The following USP47 variants were observed in gnomAD, a reference collection of about 807,000 sequenced individuals.
USP47 encodes the protein ubiquitin carboxyl-terminal hydrolase 47.
USP47 carries 35 observed loss-of-function variants against 165.1 expected under a neutral mutation model. The ratio of observed to expected loss-of-function variants is 0.21; its 90% CI spans 0.16 to 0.28. The LOEUF (loss-of-function observed/expected upper bound fraction) is 0.28, where lower values mean the gene tolerates loss of function less well. Among genes scored for constraint, USP47 ranks in the 10% least tolerant of loss-of-function variants. The pLI is 1.00. For synonymous variants in USP47, 531 were observed against 544.5 expected, an observed-to-expected ratio of 0.98 and a Z score of 0.35; for missense variants, 1,277 against 1,607.4, an observed-to-expected ratio of 0.79 and a Z score of 3.52.
chr11:11,846,828 A>G (rs1848454337), intron 1 of USP47, among the ~76,000 whole-genome samples: 1 of 152,140 alleles, frequency 6.6e-6, no homozygotes, highest in African/African-American at 2.4e-5. Context: ...TAATTAAATT[A>G]CCTGAGGAAA....
chr11:11,857,935 A>C (rs1486503500), intron 1 of USP47, among the ~76,000 whole-genome samples: 1 of 151,750 alleles, frequency 6.6e-6, no homozygotes, highest in East Asian at 1.9e-4. Flanking sequence ...GTTGCTTTCC[A>C]CAACCAATCA....
intron 10 of USP47, among the ~76,000 whole-genome samples, chr11:11,922,322 T>G (rs937862964): frequency 3.3e-5 from 5 of 151,998 alleles, no homozygotes; most frequent in South Asian, 4.1e-4. Flanking sequence ...GTTGGACTTT[T>G]TGTTCAAGAA....
At chr11:11,870,590 C>T (rs1398286513) in intron 1 of USP47, among the ~76,000 whole-genome samples, 1 of 152,096 alleles carries the variant, frequency 6.6e-6, no homozygotes, top group Admixed American at 6.5e-5. Flanking sequence ...TTGAATTCCA[C>T]TTGATTATTA....
intron 1 of USP47, among the ~76,000 whole-genome samples, chr11:11,879,190 T>G (rs1850671459): frequency 6.6e-6 from 1 of 152,196 alleles, no homozygotes; most frequent in African/African-American, 2.4e-5. Context: ...TGTTGTAGGA[T>G]ATTCTTATTG....
At chr11:11,889,548 A>G (rs1693639755) in intron 3 of USP47, among the ~76,000 whole-genome samples, 1 of 152,178 alleles carries the variant, frequency 6.6e-6, no homozygotes, top group South Asian at 2.1e-4. Context: ...GCTGAAATAA[A>G]TCAGAGAAGA....
intron 10 of USP47, among the ~76,000 whole-genome samples, chr11:11,921,304 A>G (rs1358280253): frequency 6.6e-6 from 1 of 151,542 alleles, no homozygotes; most frequent in African/African-American, 2.4e-5. Flanking sequence ...GCCTTTTCCC[A>G]GGAGTTCAAA....
rs1375309946 is a variant in USP47, at chr11:11,936,329, C to G, written c.1896C>G (p.Pro632=). The change falls in exon 17 of 28, where the codon CCC becomes CCG. Residue 632 remains proline, a synonymous_variant. Transcript: ENST00000527733. ...YKMMDLEEVI[P]LDCCRLVKYD... is the part of the protein sequence containing the mutation. ...TGATGGATTTAGAAGAGGTAATACC[C>G]CTGGATTGCTGTCGCCTTGTTAAAT... 6.2e-7 allele frequency: 1 copy of G among 1,600,258 alleles called. No homozygotes were observed. The highest frequency in any genetic ancestry group is 1.7e-5 in the Admixed American group (1 of 59,508).
intron 1 of USP47, among the ~76,000 whole-genome samples, chr11:11,852,720 T>C (rs1848797237): frequency 6.6e-6 from 1 of 152,218 alleles, no homozygotes; most frequent in African/African-American, 2.4e-5. Flanking sequence ...TTGGGGTTAA[T>C]AGTCTTTCAA....
Position 11,956,477 on chromosome 11 carries a change from T to A in USP47, c.*302T>A, listed in dbSNP as rs1856567915. On this transcript the variant is annotated 3_prime_UTR_variant, in exon 28 of 28. Coordinates refer to ENST00000527733, the MANE Select transcript of USP47 (RefSeq NM_001282659.2). ...AAGGGGACAGGGGAATGAGTAAACT[T>A]CTTTTATTGCGGACAAATGTGCACA... The A allele has an allele frequency of 4.4e-6, 1 of 228,012 alleles. No individual in the cohort carries two copies. The highest frequency in any genetic ancestry group is 1.1e-4 in the South Asian group (1 of 8,746). The allele number at this position is 228,012 out of a possible 1,614,324, so 14.1% of individuals were successfully genotyped here.
chr11:11,905,098 C>T (rs542114492), intron 7 of USP47, among the ~76,000 whole-genome samples: 3 of 151,822 alleles, frequency 2.0e-5, no homozygotes, highest in Admixed American at 6.6e-5. Flanking sequence ...ATTAATCGTT[C>T]GGTTTTCTCA....
intron 1 of USP47, among the ~76,000 whole-genome samples, chr11:11,866,624 T>G (rs1246884912): frequency 6.6e-6 from 1 of 152,150 alleles, no homozygotes; most frequent in Non-Finnish European, 1.5e-5. Context: ...CCTTCTGGGG[T>G]CACTTTCTTT....
chr11:11,843,810 C>G (rs1398175323), intron 1 of USP47, among the ~76,000 whole-genome samples: 4 of 152,166 alleles, frequency 2.6e-5, no homozygotes, highest in African/African-American at 9.7e-5. Flanking sequence ...AAAGTGATAA[C>G]AGCAACGGAA....
intron 5 of USP47, among the ~76,000 whole-genome samples, chr11:11,898,758 A>T (rs1852005481): frequency 6.6e-6 from 1 of 152,220 alleles, no homozygotes; most frequent in Non-Finnish European, 1.5e-5. Flanking sequence ...AGTAAGCTTC[A>T]GGTAGGTCAT....
In USP47 at chr11:11,954,933, G is replaced by C; in HGVS notation, c.3751G>C (p.Glu1251Gln). The C allele has an allele frequency of 6.2e-7, 1 of 1,613,842 alleles. No homozygotes were observed. The highest frequency in any genetic ancestry group is 1.1e-5 in the South Asian group (1 of 91,060). ...EISGIPLDDI[E>Q]FAKGRGTFPC... ...CAGTGGGATTCCTTTGGATGATATT[G>C]AATTTGCTAAGGTAAAGCCCTGAGA... Residue 1251 changes from glutamate to glutamine, a missense_variant, in exon 26 of 28, where the codon GAA (glutamate) becomes CAA (glutamine). Coordinates refer to ENST00000527733, the MANE Select transcript of USP47 (RefSeq NM_001282659.2).
chr11:11,922,269 CTCTT>C (rs1853892108), intron 10 of USP47, among the ~76,000 whole-genome samples: 1 of 151,872 alleles, frequency 6.6e-6, no homozygotes, highest in African/African-American at 2.4e-5. Flanking sequence ...TGTCTTGTTT[CTCTT>C]TCTAATTATC....
rs764267828 is a variant in USP47 at position 11,948,066 on chromosome 11, G to A, written c.3213G>A (p.Glu1071=). 40 of 1,613,436 alleles carry A rather than the reference G, an allele frequency of 2.5e-5. No homozygotes were observed. Among genetic ancestry groups the A allele is most frequent in the Admixed American group, 3.3e-5 (2 of 59,918 alleles). The change falls in exon 21 of 28, where the codon GAG becomes GAA. Residue 1071 remains glutamate (E), a synonymous_variant. Coordinates refer to ENST00000527733, the MANE Select transcript of USP47 (RefSeq NM_001282659.2). ...KVFRVYASNQ[E]FESVRLNETL... ...TTCGAGTGTATGCCAGCAATCAAGA[G>A]TTTGAGAGCGTCCGGCTGAATGAGA...
chr11:11,902,441 GT>G (rs958892966), intron 5 of USP47, among the ~76,000 whole-genome samples: 10 of 152,104 alleles, frequency 6.6e-5, no homozygotes, highest in African/African-American at 2.4e-4. Flanking sequence ...TCAGATTCAG[GT>G]TCCACAGTTA....
chr11:11,918,474 C>A lies in USP47; in HGVS notation c.970-1682C>A, dbSNP rs924538019. Among the ~76,000 whole-genome samples the A allele has an allele frequency of 2.6e-5, 4 of 151,992 alleles. No homozygotes were observed. The East Asian group carries it at 7.7e-4, about 29-fold the overall frequency. Reference sequence around the variant, plus strand: ...TATTAAATTTTCCAGAGTTTGATTACTGTTTGTGTAAGAATATCTTTATTC... The same window carrying A: ...TATTAAATTTTCCAGAGTTTGATTAATGTTTGTGTAAGAATATCTTTATTC... On this transcript the variant is annotated intron_variant, in intron 8 of 27. Coordinates refer to ENST00000527733, the MANE Select transcript of USP47 (RefSeq NM_001282659.2).
At chr11:11,924,859 G>A (rs998016407) in intron 11 of USP47, among the ~76,000 whole-genome samples, 1 of 151,968 alleles carries the variant, frequency 6.6e-6, no homozygotes, top group Non-Finnish European at 1.5e-5. Context: ...TTTAATCTCG[G>A]TTAGCCTAAT....
Sources: gnomAD v4.1 joint callset for allele counts (sites outside exome capture counted in the v4.1 genomes callset) on GRCh38, gnomAD v4.1.1 for gene constraint, MANE v1.5 for transcripts, NCBI Gene and HGNC (gene_info 2026-07-23, HGNC 2026-07-21) for gene names.